Variants in IFI27L1 observed in about 807,000 individuals in gnomAD.
The protein encoded by IFI27L1 is interferon alpha inducible protein 27 like 1.
A neutral mutation model predicts 9.2 loss-of-function variants in IFI27L1; 3 were observed. The ratio of observed to expected loss-of-function variants is 0.32; its 90% confidence interval spans 0.15 to 0.84. The LOEUF (loss-of-function observed/expected upper bound fraction) is 0.84, where lower values mean the gene tolerates loss of function less well. IFI27L1 is among the 40% of genes least tolerant of loss of function. The pLI, the probability that IFI27L1 is intolerant of heterozygous loss-of-function variation, is 0.56. For missense variants in IFI27L1, 133 were observed against 134.2 expected (o/e 0.99, Z 0.05); for synonymous variants, 53 against 50.0 (o/e 1.06, Z -0.26).
chr14:94,095,604 G>T (rs1434782062), intron 1 of IFI27L1, among the ~76,000 whole-genome samples: 1 of 152,188 alleles, frequency 6.6e-6, no homozygotes, highest in Non-Finnish European at 1.5e-5. Context: ...TAATGCAGAA[G>T]TTGAAGGGGG....
At chr14:94,100,311 AG>A in intron 2 of IFI27L1, 1 of 985,294 alleles carries the variant, frequency 1.0e-6, no homozygotes, top group Non-Finnish European at 1.2e-6. Flanking sequence ...CTTCCTGGGG[AG>A]GTGGCTGAGC....
chr14:94,099,822 A>G (rs1233009392), intron 2 of IFI27L1, among the ~76,000 whole-genome samples: 9 of 143,136 alleles, frequency 6.3e-5, no homozygotes, highest in Admixed American at 6.3e-4. Flanking sequence ...GGAGGGTACC[A>G]TTTTGTTATT....
At chr14:94,092,052 G>A (rs2139267276) in intron 1 of IFI27L1, among the ~76,000 whole-genome samples, 1 of 151,750 alleles carries the variant, frequency 6.6e-6, no homozygotes, top group South Asian at 2.1e-4. Flanking sequence ...CTTGAACCTG[G>A]GCAGTGGAGG....
At chr14:94,091,267 C>G (rs1020499612) in intron 1 of IFI27L1, among the ~76,000 whole-genome samples, 1 of 152,204 alleles carries the variant, frequency 6.6e-6, no homozygotes, top group Non-Finnish European at 1.5e-5. Flanking sequence ...AGTTTTAGGA[C>G]AGCCGCTATT....
intron 1 of IFI27L1, chr14:94,088,160 C>T: frequency 1.5e-6 from 1 of 680,102 alleles, no homozygotes; most frequent in Admixed American, 2.1e-5. Flanking sequence ...CTCCCCTGTG[C>T]AAGGATGTGA....
chr14:94,095,700 C>A (rs1886642314), intron 1 of IFI27L1, among the ~76,000 whole-genome samples: 1 of 152,098 alleles, frequency 6.6e-6, no homozygotes, highest in Admixed American at 6.6e-5. Flanking sequence ...CTTGCATGAA[C>A]AAACAGAGTG....
rs544982186 is a variant in IFI27L1, at chr14:94,084,775, G to T, written c.-52+3326G>T. 1.4e-4 allele frequency among the ~76,000 whole-genome samples: 21 copies of T among 152,274 alleles called. No homozygotes were observed. The South Asian group carries it at 4.1e-3, about 30-fold the overall frequency. ...TTGCAGCTGCACAGCTAGAGAAACA[G>T]AGTCTTCACAATGCCTGGGAAAGGG... On this transcript the variant is annotated intron_variant, in intron 1 of 4. Transcript: ENST00000555523.
chr14:94,102,027 G>C, intron 4 of IFI27L1, 52 bp downstream of exon 4: 1 of 1,604,818 alleles, frequency 6.2e-7, no homozygotes, highest in African/African-American at 1.3e-5. Flanking sequence ...CAGCCCCGAG[G>C]CTGAACCAGG....
intron 1 of IFI27L1, chr14:94,089,073 G>A (rs1886380658): frequency 6.6e-6 from 1 of 152,120 alleles, no homozygotes; most frequent in Admixed American, 6.5e-5. Flanking sequence ...TGGCTAGGCT[G>A]GAGTGCAGTG....
At chr14:94,088,199 C>T (rs1168110440) in intron 1 of IFI27L1, 28 of 700,242 alleles carry the variant, frequency 4.0e-5, no homozygotes, top group Non-Finnish European at 6.5e-5. Flanking sequence ...GGCTGTGCTT[C>T]GGCTTCTTCT....
chr14:94,087,575 C>A (rs774577029), intron 1 of IFI27L1, among the ~76,000 whole-genome samples: 3 of 152,114 alleles, frequency 2.0e-5, no homozygotes, highest in South Asian at 2.1e-4. Context: ...TACAGGCACT[C>A]GCCACCACAC....
At position 94,102,664 on chromosome 14, in the gene IFI27L1, A is replaced by C; in HGVS notation, c.*96A>C. Reference sequence around the variant, plus strand: ...TCCAAAGGACAAGTCTCCTACTCCCAAAACTATTTAAGGAAGCATGAAAAA... The same window carrying C: ...TCCAAAGGACAAGTCTCCTACTCCCCAAACTATTTAAGGAAGCATGAAAAA... On this transcript the variant is annotated 3_prime_UTR_variant, in exon 5 of 5. Transcript: ENST00000555523. 1.6e-6 allele frequency: 1 copy of C among 624,944 alleles called. No homozygotes were observed. Among genetic ancestry groups the C allele is most frequent in the Middle Eastern group, 2.7e-4 (1 of 3,746 alleles). The allele number at this position is 624,944 out of a possible 1,614,324, so 38.7% of individuals were successfully genotyped here. A position where few individuals can be genotyped will look rare whatever the true frequency, so the allele number is the denominator to read the frequency against.
intron 2 of IFI27L1, chr14:94,100,452 C>T: frequency 1.0e-6 from 1 of 985,220 alleles, no homozygotes; most frequent in Non-Finnish European, 1.2e-6. Context: ...CTCAGGAGGC[C>T]CAGGCATGCT....
intron 1 of IFI27L1, among the ~76,000 whole-genome samples, chr14:94,082,773 AT>A (rs1886152576): frequency 6.6e-6 from 1 of 152,244 alleles, no homozygotes; most frequent in African/African-American, 2.4e-5. Context: ...AGAAAAAAGG[AT>A]TTCTCTCAAA....
rs771067154 is a variant in IFI27L1, at chr14:94,096,924, C to A, written c.-14C>A. The A allele has an allele frequency of 3.7e-6, 6 of 1,613,070 alleles. No homozygotes were observed. The highest frequency in any genetic ancestry group is 5.1e-6 in the Non-Finnish European group (6 of 1,179,280). The stretch of plus-strand genomic sequence containing the variant: ...GAATCCGAGTGGAGGCTCACCGAGG[C>A]GAAGGGGCCAACCATGGGAAAGGAG... On this transcript the variant is annotated 5_prime_UTR_variant, in exon 2 of 5. Transcript: ENST00000555523.
At chr14:94,086,553 T>G (rs7145904) in intron 1 of IFI27L1, among the ~76,000 whole-genome samples, 25,551 of 152,046 alleles carry the variant, frequency 0.17, 2,713 homozygotes, top group East Asian at 0.39. Flanking sequence ...GCTTACATAA[T>G]TGGTGGGGCA....
intron 1 of IFI27L1, among the ~76,000 whole-genome samples, chr14:94,081,871 C>T (rs1446682351): frequency 1.3e-5 from 2 of 152,154 alleles, no homozygotes; most frequent in African/African-American, 4.8e-5. Flanking sequence ...CCCTGAGACA[C>T]AACAGTGTTG....
At chr14:94,083,388 A>C (rs776377496) in intron 1 of IFI27L1, among the ~76,000 whole-genome samples, 12 of 152,266 alleles carry the variant, frequency 7.9e-5, no homozygotes, top group Non-Finnish European at 1.8e-4. Flanking sequence ...TCGTAAACTT[A>C]GTTGATAAAG....
chr14:94,096,553 G>A (rs1886673124), intron 1 of IFI27L1, among the ~76,000 whole-genome samples: 1 of 152,066 alleles, frequency 6.6e-6, no homozygotes, highest in Non-Finnish European at 1.5e-5. Context: ...AATTAGCCAG[G>A]TGTGGTCGCA....
Sources: gnomAD v4.1 joint callset for allele counts (sites outside exome capture counted in the v4.1 genomes callset) on GRCh38, gnomAD v4.1.1 for gene constraint, MANE v1.5 for transcripts, NCBI Gene and HGNC (gene_info 2026-07-23, HGNC 2026-07-21) for gene names.